Variants in OR6C2 observed in about 807,000 individuals in gnomAD.
OR6C2 encodes olfactory receptor family 6 subfamily C member 2, also known as olfactory receptor 6C2.
For missense variants in OR6C2, 435 were observed against 365.8 expected (o/e 1.19, Z -1.54); for synonymous variants, 146 against 134.2 (o/e 1.09, Z -0.61).
rs1871466584 is a variant in OR6C2, at chr12:55,451,373, A to T, written c.-841A>T. On this transcript the variant is annotated 5_prime_UTR_variant, in exon 2 of 2. Transcript: ENST00000641202. ...CTCTCTATGTCTATGAGTTCAACTG[A>T]TTTGATTTTCAGATGTCACGAATAA... The T allele has an allele frequency of 6.6e-6, 1 of 151,792 alleles. No homozygotes were observed. Among genetic ancestry groups the T allele is most frequent in the Non-Finnish European group, 1.5e-5 (1 of 67,938 alleles). The allele number at this position is 151,792 out of a possible 1,614,324, so 9.4% of individuals were successfully genotyped here.
In OR6C2 at chr12:55,453,203, A is replaced by C; in HGVS notation, c.*51A>C. 363 of 1,317,168 alleles carry C rather than the reference A, an allele frequency of 2.8e-4. No individual in the cohort carries two copies. The highest frequency in any genetic ancestry group is 3.5e-4 in the Non-Finnish European group (330 of 939,358). The allele number at this position is 1,317,168 out of a possible 1,614,324, so 81.6% of individuals were successfully genotyped here. On this transcript the variant is annotated 3_prime_UTR_variant, in exon 2 of 2. Transcript: ENST00000641202. ...GAATGAAGAAGGCTCCCTAAATGTCATCCTACAGCTTTTAACTTATTTCAT... is the reference window on the plus strand; with the variant it reads ...GAATGAAGAAGGCTCCCTAAATGTCCTCCTACAGCTTTTAACTTATTTCAT...
At position 55,446,758 on chromosome 12, in the gene OR6C2, G is replaced by A. The variant is rs181372659; in HGVS notation, c.-888+2599G>A. On this transcript the variant is annotated intron_variant, in intron 1 of 1. Coordinates refer to ENST00000641202, the MANE Select transcript of OR6C2 (RefSeq NM_054105.2). ...GTCACAACTTGTCTTCTGAAAAAGAGGAAGATATATTCACTCTTAGTCAAT... is the reference window on the plus strand; with the variant it reads ...GTCACAACTTGTCTTCTGAAAAAGAAGAAGATATATTCACTCTTAGTCAAT... 4.6e-5 allele frequency among the ~76,000 whole-genome samples: 7 copies of A among 152,044 alleles called. No homozygotes were observed. In the East Asian group the frequency reaches 5.8e-4, roughly 13 times the overall value.
At chr12:55,447,876 T>G (rs1333939611) in intron 1 of OR6C2, among the ~76,000 whole-genome samples, 1 of 152,098 alleles carries the variant, frequency 6.6e-6, no homozygotes, top group Non-Finnish European at 1.5e-5. Context: ...CTGGATCATA[T>G]AGTAGTTATA....
intron 1 of OR6C2, among the ~76,000 whole-genome samples, chr12:55,450,470 C>A (rs1012056938): frequency 6.6e-6 from 1 of 152,042 alleles, no homozygotes; most frequent in Non-Finnish European, 1.5e-5. Context: ...CCTGGCAGTC[C>A]ACATGAAAGT....
intron 1 of OR6C2, among the ~76,000 whole-genome samples, 172 bp downstream of exon 1, chr12:55,444,331 C>T (rs1193110181): frequency 6.6e-6 from 1 of 152,098 alleles, no homozygotes; most frequent in African/African-American, 2.4e-5. Flanking sequence ...AACATCATAG[C>T]TAGGACATAT....
rs766129652 is a variant in OR6C2 at position 55,453,067 on chromosome 12, C to G, written c.854C>G (p.Pro285Arg). 1 of 1,613,190 alleles carries G rather than the reference C, an allele frequency of 6.2e-7. No individual in the cohort carries two copies. Among genetic ancestry groups the G allele is most frequent in the Admixed American group, 1.7e-5 (1 of 59,846 alleles). ...LTTSVAPLLN[P>R]FIYTLRNKQV... The stretch of plus-strand genomic sequence containing the variant: ...ACTTCTGTCGCACCCTTGTTGAACC[C>G]CTTCATTTACACCTTGAGGAACAAG... The change falls in exon 2 of 2, where the codon CCC becomes CGC. Residue 285 changes from proline (P) to arginine (R), a missense_variant. Pro to Arg is a moderately radical substitution (Grantham distance 103). Transcript: ENST00000641202.
chr12:55,446,840 A>C (rs1020734956), intron 1 of OR6C2, among the ~76,000 whole-genome samples: 3 of 152,238 alleles, frequency 2.0e-5, no homozygotes, highest in African/African-American at 7.2e-5. Context: ...GAAGAGAAAA[A>C]GAGATGAGAG....
chr12:55,451,558 A>G lies in OR6C2; in HGVS notation c.-656A>G. 1 of 152,204 alleles carries G rather than the reference A, an allele frequency of 6.6e-6. No homozygotes were observed. Among genetic ancestry groups the G allele is most frequent in the South Asian group, 2.1e-4 (1 of 4,830 alleles). 9.4% of individuals were successfully genotyped at this position (152,204 alleles called of 1,614,324 possible). Reference sequence around the variant, plus strand: ...CAAATGAAAGCCTATGAGAATATTCATTTTGTAAAAACCTTGAACACAACT... The same window carrying G: ...CAAATGAAAGCCTATGAGAATATTCGTTTTGTAAAAACCTTGAACACAACT... On this transcript the variant is annotated 5_prime_UTR_variant, in exon 2 of 2. Transcript: ENST00000641202.
chr12:55,449,731 A>T (rs772716739), intron 1 of OR6C2, among the ~76,000 whole-genome samples: 1 of 151,830 alleles, frequency 6.6e-6, no homozygotes, highest in East Asian at 1.9e-4. Flanking sequence ...AAGGAAAAAA[A>T]AATTCTAAGT....
At chr12:55,449,770 A>G (rs985410325) in intron 1 of OR6C2, among the ~76,000 whole-genome samples, 5 of 151,908 alleles carry the variant, frequency 3.3e-5, no homozygotes, top group African/African-American at 1.2e-4. Flanking sequence ...CAGGAAAGAG[A>G]TTACTATAAA....
intron 1 of OR6C2, among the ~76,000 whole-genome samples, chr12:55,446,991 C>T (rs1172841360): frequency 1.3e-5 from 2 of 152,046 alleles, no homozygotes; most frequent in Admixed American, 6.6e-5. Context: ...CTCTCCAAAC[C>T]GTATTGTTGA....
intron 1 of OR6C2, among the ~76,000 whole-genome samples, chr12:55,447,690 C>A (rs974138459): frequency 6.6e-6 from 1 of 152,022 alleles, no homozygotes; most frequent in African/African-American, 2.4e-5. Context: ...AGCTGAACAA[C>A]ATTCCATTAT....
chr12:55,452,679 C>A lies in OR6C2; in HGVS notation c.466C>A (p.Pro156Thr). 1.9e-6 allele frequency: 3 copies of A among 1,613,730 alleles called. No individual in the cohort carries two copies. Among genetic ancestry groups the A allele is most frequent in the Non-Finnish European group, 2.5e-6 (3 of 1,179,818 alleles). ...GGTGGCTGGCTTGATGATCATTGTT[C>A]CACCACTTAGCTTAGGCCTCCAGCT... Reference protein sequence around the residue: ...CWVAGLMIIVPPLSLGLQLEF... With the variant: ...CWVAGLMIIVTPLSLGLQLEF... Residue 156 changes from proline (P) to threonine (T), a missense_variant, in exon 2 of 2, where the codon CCA becomes ACA. Physicochemically the swap from Pro to Thr is conservative, Grantham distance 38 (BLOSUM62 -1). Coordinates refer to ENST00000641202, the MANE Select transcript of OR6C2 (RefSeq NM_054105.2).
intron 1 of OR6C2, among the ~76,000 whole-genome samples, chr12:55,449,296 A>C (rs1871424163): frequency 6.6e-6 from 1 of 151,050 alleles, no homozygotes; most frequent in African/African-American, 2.4e-5. Context: ...GGGTTTTTCA[A>C]AAAAACTTTT....
intron 1 of OR6C2, among the ~76,000 whole-genome samples, chr12:55,445,890 C>T (rs1386286948): frequency 6.6e-6 from 1 of 152,146 alleles, no homozygotes; most frequent in Non-Finnish European, 1.5e-5. Context: ...GGTAATTATA[C>T]CACAGCTATT....
rs1871466376 is a variant in OR6C2, at chr12:55,451,364, G to T, written c.-850G>T. ...ATCCTTCTACTCTCTATGTCTATGAGTTCAACTGATTTGATTTTCAGATGT... is the reference window on the plus strand; with the variant it reads ...ATCCTTCTACTCTCTATGTCTATGATTTCAACTGATTTGATTTTCAGATGT... On this transcript the variant is annotated 5_prime_UTR_variant, in exon 2 of 2. Coordinates refer to ENST00000641202, the MANE Select transcript of OR6C2 (RefSeq NM_054105.2). The T allele has an allele frequency of 6.6e-6, 1 of 151,700 alleles. No homozygotes were observed. The highest frequency in any genetic ancestry group is 2.4e-5 in the African/African-American group (1 of 41,256). 9.4% of individuals were successfully genotyped at this position (151,700 alleles called of 1,614,324 possible). A position where few individuals can be genotyped will look rare whatever the true frequency, so the allele number is the denominator to read the frequency against.
In OR6C2 at chr12:55,452,171, C is replaced by T. The variant is rs774531017; in HGVS notation, c.-43C>T. The T allele has an allele frequency of 1.6e-5, 21 of 1,302,242 alleles. No homozygotes were observed. Among genetic ancestry groups the T allele is most frequent in the African/African-American group, 3.0e-5 (2 of 67,572 alleles). The allele number at this position is 1,302,242 out of a possible 1,614,324, so 80.7% of individuals were successfully genotyped here. A position where few individuals can be genotyped will look rare whatever the true frequency, so the allele number is the denominator to read the frequency against. On this transcript the variant is annotated 5_prime_UTR_variant, in exon 2 of 2. Transcript: ENST00000641202. ...TTCAAATATCTACCCCCTCATAAACCGTGATTTTTAAAGGAGGATTGGGTA... is the reference window on the plus strand; with the variant it reads ...TTCAAATATCTACCCCCTCATAAACTGTGATTTTTAAAGGAGGATTGGGTA...
intron 1 of OR6C2, among the ~76,000 whole-genome samples, chr12:55,450,334 G>A (rs957151235): frequency 6.6e-6 from 1 of 152,086 alleles, no homozygotes; most frequent in Admixed American, 6.6e-5. Context: ...GTGCAGACAA[G>A]AGCATGTAGA....
Position 55,451,316 on chromosome 12 carries a change from A to G in OR6C2, c.-887-11A>G, listed in dbSNP as rs1431400089. On this transcript the variant is annotated splice_polypyrimidine_tract_variant and intron_variant, in intron 1 of 1. Transcript: ENST00000641202. ...CCCACCTACCCCCGAACCCCCCACTATACTTCCCAGCCTCTGGTAAACATC... is the reference window on the plus strand; with the variant it reads ...CCCACCTACCCCCGAACCCCCCACTGTACTTCCCAGCCTCTGGTAAACATC... 1 of 151,748 alleles carries G rather than the reference A, an allele frequency of 6.6e-6. No homozygotes were observed. The highest frequency in any genetic ancestry group is 1.5e-5 in the Non-Finnish European group (1 of 67,914). 9.4% of individuals were successfully genotyped at this position (151,748 alleles called of 1,614,324 possible).
Sources: allele counts gnomAD v4.1 joint callset (sites outside exome capture counted in the v4.1 genomes callset), GRCh38; gene constraint gnomAD v4.1.1; transcripts MANE v1.5; gene names NCBI Gene and HGNC (gene_info 2026-07-23, HGNC 2026-07-21).